Variants in TANC2 observed in about 807,000 individuals in gnomAD.
TANC2 encodes the protein tetratricopeptide repeat, ankyrin repeat and coiled-coil containing 2.
A neutral mutation model predicts 210.5 loss-of-function variants in TANC2; 26 were observed. The ratio of observed to expected loss-of-function variants is 0.12; its 90% CI spans 0.09 to 0.17. The LOEUF (loss-of-function observed/expected upper bound fraction) is 0.17. Among genes scored for constraint, TANC2 ranks in the 10% least tolerant of loss-of-function variants. TANC2 has a pLI of 1.00. For synonymous variants in TANC2, 931 were observed against 967.1 expected (o/e 0.96, Z 0.69); for missense variants, 2,129 against 2,608.9 (o/e 0.82, Z 4.01).
chr17:62,984,477 C>A (rs1299272538), intron 1 of TANC2, among the ~76,000 whole-genome samples: 1 of 151,624 alleles, frequency 6.6e-6, no homozygotes, highest in Non-Finnish European at 1.5e-5. Flanking sequence ...CTGCTCTGAT[C>A]GTATTCTTTC....
intron 14 of TANC2, among the ~76,000 whole-genome samples, chr17:63,378,788 TAGAA>T (rs2047509207): frequency 6.6e-6 from 1 of 152,018 alleles, no homozygotes; most frequent in Non-Finnish European, 1.5e-5. Flanking sequence ...CTGGTAGCCA[TAGAA>T]AGAAAGCCCT....
At chr17:63,089,798 A>G (rs1359644036) in intron 3 of TANC2, among the ~76,000 whole-genome samples, 9 of 152,262 alleles carry the variant, frequency 5.9e-5, no homozygotes. Flanking sequence ...TAACATGCCT[A>G]CAGTCGTTTT....
chr17:63,238,336 A>G lies in TANC2; in HGVS notation c.1033+259A>G, dbSNP rs370515561. 6.6e-5 allele frequency among the ~76,000 whole-genome samples: 10 copies of G among 152,324 alleles called. No individual in the cohort carries two copies. The East Asian group carries it at 1.5e-3, about 23-fold the overall frequency. ...ACACATAGAAATTCAGAAACAGCCT[A>G]TAAAATATATCATCAAACAACTAAA... On this transcript the variant is annotated intron_variant, in intron 8 of 27. Coordinates refer to ENST00000689528, the Ensembl canonical transcript of TANC2.
chr17:63,042,171 T>G (rs2035214443), intron 2 of TANC2, among the ~76,000 whole-genome samples: 1 of 152,126 alleles, frequency 6.6e-6, no homozygotes, highest in East Asian at 1.9e-4. Flanking sequence ...TACTAAAATT[T>G]GAAAATTCTT....
rs541906324 is a variant in TANC2, at chr17:63,354,875, G to T, written c.2067G>T (p.Leu689=). 3.7e-6 allele frequency: 6 copies of T among 1,613,744 alleles called. No individual in the cohort carries two copies. In the South Asian group the frequency reaches 6.6e-5, roughly 18 times the overall value. Reference sequence around the variant, plus strand: ...ACCAGGACCTGCAGGCTTACATCCTGCACCGGATACACAGCAGCTCAGAGA... The same window carrying T: ...ACCAGGACCTGCAGGCTTACATCCTTCACCGGATACACAGCAGCTCAGAGA... Residue 689 remains leucine (L), a synonymous_variant, in exon 14 of 28, where the codon CTG becomes CTT. Transcript: ENST00000689528.
At chr17:62,972,136 A>AT (rs762218300) in intron 1 of TANC2, among the ~76,000 whole-genome samples, 1 of 152,032 alleles carries the variant, frequency 6.6e-6, no homozygotes, top group East Asian at 1.9e-4. Context: ...TAATACCATA[A>AT]TTTTTTCTGG....
chr17:63,061,062 T>C (rs1215692499), intron 2 of TANC2, among the ~76,000 whole-genome samples: 1 of 151,744 alleles, frequency 6.6e-6, no homozygotes, highest in Non-Finnish European at 1.5e-5. Flanking sequence ...ATAAACAAAT[T>C]TAATTAAAAT....
chr17:63,045,747 A>G (rs1313702356), intron 2 of TANC2, among the ~76,000 whole-genome samples: 4 of 152,058 alleles, frequency 2.6e-5, no homozygotes, highest in Admixed American at 1.3e-4. Context: ...TTATATTTGC[A>G]TATGAGTCTT....
intron 5 of TANC2, among the ~76,000 whole-genome samples, chr17:63,174,334 T>A (rs751881426): frequency 6.6e-5 from 10 of 152,182 alleles, no homozygotes; most frequent in Non-Finnish European, 7.3e-5. Context: ...CCTACCTTTA[T>A]CCCCACTTGG....
intron 25 of TANC2, 46 bp downstream of exon 25, chr17:63,413,680 G>C (rs1448810322): frequency 3.4e-6 from 5 of 1,483,708 alleles, no homozygotes; most frequent in Non-Finnish European, 4.6e-6. Flanking sequence ...GCCACTGACT[G>C]TTTTCCATGT....
intron 14 of TANC2, among the ~76,000 whole-genome samples, chr17:63,358,515 C>T (rs1345658354): frequency 1.3e-5 from 2 of 151,900 alleles, no homozygotes; most frequent in East Asian, 3.9e-4. Context: ...AACCTTAGAC[C>T]ATACCACCTC....
intron 11 of TANC2, among the ~76,000 whole-genome samples, chr17:63,327,750 T>C (rs1451687642): frequency 1.3e-5 from 2 of 152,016 alleles, no homozygotes; most frequent in East Asian, 3.9e-4. Flanking sequence ...TGTGCAGCCA[T>C]TAAAAAAAAA....
At position 62,966,262 on chromosome 17, in the gene TANC2, C is replaced by A. The variant is rs1432482501; in HGVS notation, c.-511C>A. ...CGGCGCTAGCGAGCGGCCGGCGGGG[C>A]GCGGGTTGCTGGGCGCGCTGCTCCG... On this transcript the variant is annotated 5_prime_UTR_variant, in exon 1 of 28. Coordinates refer to ENST00000689528, the Ensembl canonical transcript of TANC2. The surrounding 1 kb of genome is among the most constrained non-coding windows in gnomAD (Gnocchi z 5.1). Among the ~76,000 whole-genome samples, 3 of 145,918 alleles carry A rather than the reference C, an allele frequency of 2.1e-5. No homozygotes were observed. Among genetic ancestry groups the A allele is most frequent in the South Asian group, 2.1e-4 (1 of 4,806 alleles).
At chr17:63,077,539 G>C (rs949864178) in intron 3 of TANC2, among the ~76,000 whole-genome samples, 10 of 152,192 alleles carry the variant, frequency 6.6e-5, no homozygotes, top group African/African-American at 2.4e-4. Context: ...AGGAAAATGA[G>C]ATTGGTAGAA....
At chr17:63,352,486 A>T (rs907077411) in intron 13 of TANC2, among the ~76,000 whole-genome samples, 3 of 152,178 alleles carry the variant, frequency 2.0e-5, no homozygotes, top group Non-Finnish European at 4.4e-5. Flanking sequence ...AAAATTATAT[A>T]ACCTATCATT....
intron 2 of TANC2, among the ~76,000 whole-genome samples, chr17:63,009,926 A>G (rs1264764299): frequency 6.6e-6 from 1 of 152,176 alleles, no homozygotes; most frequent in Admixed American, 6.5e-5. Context: ...ATGTTTTTGA[A>G]TTAACAAATG....
chr17:63,351,739 T>A (rs890385932), intron 13 of TANC2, among the ~76,000 whole-genome samples: 1 of 152,142 alleles, frequency 6.6e-6, no homozygotes, highest in African/African-American at 2.4e-5. Context: ...GACTTTCGTT[T>A]AACATTTTTT....
intron 9 of TANC2, among the ~76,000 whole-genome samples, chr17:63,269,108 A>G (rs1377234091): frequency 6.6e-6 from 1 of 152,194 alleles, no homozygotes; most frequent in African/African-American, 2.4e-5. Context: ...TCTAGACATC[A>G]TTATGCTAAC....
At chr17:63,307,772 T>TG (rs5821385) in intron 9 of TANC2, among the ~76,000 whole-genome samples, 16,744 of 151,082 alleles carry the variant, frequency 0.11, 2,111 homozygotes, top group African/African-American at 0.31. Flanking sequence ...TTGTTGTTGT[T>TG]TTGTTGTTTT....
Sources: allele counts gnomAD v4.1 joint callset (sites outside exome capture counted in the v4.1 genomes callset), GRCh38; gene constraint gnomAD v4.1.1; non-coding constraint Gnocchi (gnomAD v3.1); transcripts MANE v1.5; gene names NCBI Gene and HGNC (gene_info 2026-07-23, HGNC 2026-07-21).